ETV5: variants seen among roughly 807,000 people sequenced by gnomAD.
ETV5 encodes the protein ETS variant transcription factor 5.
ETV5 carries 10 observed loss-of-function variants against 70.0 expected under a neutral mutation model. That is an observed-to-expected ratio of 0.14 (90% CI 0.09 to 0.24). The LOEUF (loss-of-function observed/expected upper bound fraction) is 0.24. Ranked by LOEUF, ETV5 falls within the 10% of genes least tolerant of loss-of-function variation. The pLI is 1.00. For synonymous variants in ETV5, 216 were observed against 242.2 expected (o/e 0.89, Z 1.01); for missense variants, 453 against 651.2 (o/e 0.70, Z 3.31).
intron 7 of ETV5, among the ~76,000 whole-genome samples, chr3:186,074,634 C>T (rs1177388337): frequency 1.3e-5 from 2 of 152,032 alleles, no homozygotes; most frequent in African/African-American, 4.8e-5. Context: ...CAAGTTAGGG[C>T]TGGGCATGGT....
At chr3:186,053,152 A>T (rs1713073781) in intron 11 of ETV5, among the ~76,000 whole-genome samples, 1 of 152,070 alleles carries the variant, frequency 6.6e-6, no homozygotes, top group Admixed American at 6.5e-5. Flanking sequence ...CCCAGGCTGG[A>T]GTGCAGTGGC....
At chr3:186,096,939 G>A (rs1449920166) in intron 5 of ETV5, among the ~76,000 whole-genome samples, 1 of 152,102 alleles carries the variant, frequency 6.6e-6, no homozygotes, top group Non-Finnish European at 1.5e-5. Context: ...CCAGCTATGT[G>A]GGAGGACTGC....
chr3:186,080,415 G>C, intron 6 of ETV5: 1 of 244,784 alleles, frequency 4.1e-6, no homozygotes, highest in South Asian at 1.7e-4. Flanking sequence ...GGTGGGTGAG[G>C]GGAGAATGTA....
At chr3:186,108,119 A>C in intron 1 of ETV5, among the ~76,000 whole-genome samples, 1 of 144,118 alleles carries the variant, frequency 6.9e-6, no homozygotes, top group Non-Finnish European at 1.5e-5. Context: ...ACCGCTTCCA[A>C]TCCCCCCACC....
In ETV5 at chr3:186,052,497, A is replaced by G. The variant is rs879668717; in HGVS notation, c.1210-366T>C. On this transcript the variant is annotated intron_variant, in intron 11 of 12. Coordinates refer to ENST00000306376, the MANE Select transcript of ETV5 (RefSeq NM_004454.3). This position sits in a 1 kb window ranked among gnomAD's most constrained non-coding sequence, Gnocchi z 4.5. Reference sequence around the variant, plus strand: ...AGTGCTATGGTTTCTGTAGCAGTCAATAAGGAATAATTAGAATGGTCATTC... The same window carrying G: ...AGTGCTATGGTTTCTGTAGCAGTCAGTAAGGAATAATTAGAATGGTCATTC... Among the ~76,000 whole-genome samples, 1 of 152,344 alleles carries G rather than the reference A, an allele frequency of 6.6e-6. No individual in the cohort carries two copies. Among genetic ancestry groups the G allele is most frequent in the Middle Eastern group, 3.4e-3 (1 of 294 alleles).
At position 186,052,178 on chromosome 3, in the gene ETV5, C is replaced by T. The variant is rs201121909; in HGVS notation, c.1210-47G>A. 2 of 1,571,036 alleles carry T rather than the reference C, an allele frequency of 1.3e-6. No individual in the cohort carries two copies. The highest frequency in any genetic ancestry group is 1.3e-5 in the African/African-American group (1 of 74,144). Reference sequence around the variant, plus strand: ...GAGCAATGGAAACGCATTCCCTGGGCCCCATGTTCTCTCCCAATCCCAGCA... The same window carrying T: ...GAGCAATGGAAACGCATTCCCTGGGTCCCATGTTCTCTCCCAATCCCAGCA... On this transcript the variant is annotated intron_variant, in intron 11 of 12. Transcript: ENST00000306376. The surrounding 1 kb of genome is among the most constrained non-coding windows in gnomAD (Gnocchi z 4.5).
intron 5 of ETV5, among the ~76,000 whole-genome samples, chr3:186,098,879 A>G (rs1012434940): frequency 6.6e-6 from 1 of 152,112 alleles, no homozygotes; most frequent in Non-Finnish European, 1.5e-5. Flanking sequence ...TGTCCCCTCC[A>G]GCGAACTCAG....
At position 186,105,940 on chromosome 3, in the gene ETV5, C is replaced by T; in HGVS notation, c.-72G>A. 1 of 1,575,592 alleles carries T rather than the reference C, an allele frequency of 6.3e-7. No individual in the cohort carries two copies. Among genetic ancestry groups the T allele is most frequent in the Non-Finnish European group, 8.7e-7 (1 of 1,155,372 alleles). On this transcript the variant is annotated splice_region_variant and 5_prime_UTR_variant, in exon 2 of 13. Coordinates refer to ENST00000306376, the MANE Select transcript of ETV5 (RefSeq NM_004454.3). The surrounding 1 kb of genome is among the most constrained non-coding windows in gnomAD (Gnocchi z 4.5). The stretch of plus-strand genomic sequence containing the variant: ...AGTAATTTCTGGGGGAAAAGGGATC[C>T]TCCTGTAATATGAATTTGGGAGATT...
chr3:186,062,578 G>A (rs1308722422), intron 9 of ETV5, among the ~76,000 whole-genome samples: 3 of 152,190 alleles, frequency 2.0e-5, no homozygotes, highest in Non-Finnish European at 4.4e-5. Context: ...GCTGAGATCC[G>A]CCACTGCACT....
chr3:186,082,467 G>A (rs1336761020), intron 5 of ETV5, among the ~76,000 whole-genome samples: 5 of 142,946 alleles, frequency 3.5e-5, no homozygotes, highest in African/African-American at 5.3e-5. Context: ...TTACTCTGTC[G>A]CCCAGGCTGG....
chr3:186,085,577 C>T (rs1319346144), intron 5 of ETV5, among the ~76,000 whole-genome samples: 1 of 147,560 alleles, frequency 6.8e-6, no homozygotes, highest in East Asian at 2.1e-4. Flanking sequence ...GGTGCAATCT[C>T]GGCTCACTGC....
chr3:186,048,701 C>T lies in ETV5; in HGVS notation c.1471G>A (p.Ala491Thr), dbSNP rs773704999. ...LPLTHFEDSP[A>T]YLLDMDRCSS... ...CAGCGGTCCATGTCCAGGAGGTAAG[C>T]GGGGCTGTCTTCAAAGTGGGTCAGC... The change falls in exon 13 of 13, where the codon GCT becomes ACT. Residue 491 changes from alanine (A) to threonine (T), a missense_variant. Ala to Thr is a moderately conservative substitution (Grantham distance 58). This residue lies in a region of ETV5 where 74 missense variants were observed against 95.2 expected (regional missense o/e 0.78). Transcript: ENST00000306376. 1.2e-5 allele frequency: 19 copies of T among 1,614,042 alleles called. No homozygotes were observed. Among genetic ancestry groups the T allele is most frequent in the Admixed American group, 1.0e-4 (6 of 60,002 alleles).
chr3:186,055,464 G>A (rs531293623), intron 11 of ETV5, among the ~76,000 whole-genome samples: 4 of 152,274 alleles, frequency 2.6e-5, no homozygotes, highest in Non-Finnish European at 4.4e-5. Flanking sequence ...AAAAAAACAC[G>A]TAGGCACTAA....
chr3:186,057,304 G>A lies in ETV5; in HGVS notation c.1040-60C>T. 1.9e-6 allele frequency: 3 copies of A among 1,607,976 alleles called. No individual in the cohort carries two copies. The highest frequency in any genetic ancestry group is 2.6e-6 in the Non-Finnish European group (3 of 1,175,968). ...AGTCCTAAGTTTCTCAGGTGGTTGG[G>A]ACAAAAAGGAGTTGTTCATGCTGAT... is the stretch of plus-strand genomic sequence containing the variant. On this transcript the variant is annotated intron_variant, in intron 10 of 12. Coordinates refer to ENST00000306376, the MANE Select transcript of ETV5 (RefSeq NM_004454.3). This position sits in a 1 kb window ranked among gnomAD's most constrained non-coding sequence, Gnocchi z 4.9.
chr3:186,064,408 G>A lies in ETV5; in HGVS notation c.970+9C>T. 1.9e-6 allele frequency: 3 copies of A among 1,613,654 alleles called. No homozygotes were observed. Among genetic ancestry groups the A allele is most frequent in the Non-Finnish European group, 1.7e-6 (2 of 1,179,616 alleles). ...AGGAGAGAAGAGGAAAGAAAAGCAG[G>A]TTCCTTACCTTCATGGCTGCTGGAG... On this transcript the variant is annotated intron_variant, in intron 9 of 12. Coordinates refer to ENST00000306376, the MANE Select transcript of ETV5 (RefSeq NM_004454.3).
chr3:186,080,062 G>A lies in ETV5; in HGVS notation c.405C>T (p.Thr135=). The A allele has an allele frequency of 1.3e-6, 2 of 1,520,380 alleles. No homozygotes were observed. The highest frequency in any genetic ancestry group is 8.7e-7 in the Non-Finnish European group (1 of 1,143,298). The allele number at this position is 1,520,380 out of a possible 1,614,324, so 94.2% of individuals were successfully genotyped here. ...TGGGTGAGAGGGGGGTTGTAGGAGG[G>A]GTTAATGGCTTGAACCCAGAGGGAG... ...RKPPSGFKPL[T]PPTTPLSPTH... The change falls in exon 7 of 13, where the codon ACC becomes ACT. Residue 135 remains threonine (T), a synonymous_variant. Coordinates refer to ENST00000306376, the MANE Select transcript of ETV5 (RefSeq NM_004454.3).
Position 186,081,107 on chromosome 3 carries a change from A to G in ETV5, c.301T>C (p.Ser101Pro). 6.2e-7 allele frequency: 1 copy of G among 1,613,842 alleles called. No homozygotes were observed. The highest frequency in any genetic ancestry group is 8.5e-7 in the Non-Finnish European group (1 of 1,179,846). ...ELHSPSSELS[S>P]CSHEQALGAN... ...CCAAGAGCCTGCTCATGGCTACAAG[A>G]CGACAGCTCAGAGGAGGGGCTGTGC... Residue 101 changes from serine (S) to proline (P), a missense_variant, in exon 6 of 13, where the codon TCT becomes CCT. Ser to Pro is a moderately conservative substitution (Grantham distance 74, BLOSUM62 -1). Around this residue, in one of 4 missense-constraint regions of ETV5, gnomAD observed 307 missense variants for 344.9 expected, o/e 0.89. Coordinates refer to ENST00000306376, the MANE Select transcript of ETV5 (RefSeq NM_004454.3).
intron 5 of ETV5, among the ~76,000 whole-genome samples, chr3:186,095,790 C>G (rs1714288977): frequency 6.6e-6 from 1 of 152,230 alleles, no homozygotes; most frequent in Non-Finnish European, 1.5e-5. Flanking sequence ...AGAAGGTCAT[C>G]CCAAGGACTC....
At chr3:186,064,631 A>G (rs2150144410) in intron 8 of ETV5, 155 bp from the exon 9 acceptor site, 1 of 704,334 alleles carries the variant, frequency 1.4e-6, no homozygotes, top group Non-Finnish European at 2.5e-6. Flanking sequence ...TGCCACACCA[A>G]TAAGCAAGAT....
Sources: allele counts gnomAD v4.1 joint callset (sites outside exome capture counted in the v4.1 genomes callset), GRCh38; gene constraint gnomAD v4.1.1; regional missense constraint gnomAD v4.1.1; non-coding constraint Gnocchi (gnomAD v3.1); transcripts MANE v1.5; gene names NCBI Gene and HGNC (gene_info 2026-07-23, HGNC 2026-07-21).